Variants in SNTB1 observed in about 807,000 individuals in gnomAD.
SNTB1 encodes beta-1-syntrophin.
Under a neutral mutation model 48.9 loss-of-function variants are expected in SNTB1, and 36 were observed. That is an observed-to-expected ratio of 0.74 (90% CI 0.56 to 0.97). SNTB1 has a LOEUF of 0.97. Among genes scored for constraint, SNTB1 ranks in the 50% least tolerant of loss-of-function variants. The pLI is 0.00. For missense variants in SNTB1, 786 were observed against 703.4 expected, an observed-to-expected ratio of 1.12 and a Z score of -1.33; for synonymous variants, 299 against 294.6, an observed-to-expected ratio of 1.01 and a Z score of -0.15.
At chr8:120,746,094 A>G (rs892015188) in intron 1 of SNTB1, among the ~76,000 whole-genome samples, 2 of 152,294 alleles carry the variant, frequency 1.3e-5, no homozygotes, top group African/African-American at 4.8e-5. Context: ...GCCTTGAACA[A>G]CATAGGTTTG....
intron 1 of SNTB1, among the ~76,000 whole-genome samples, chr8:120,778,909 A>G (rs1343542247): frequency 6.6e-6 from 1 of 152,250 alleles, no homozygotes; most frequent in Non-Finnish European, 1.5e-5. Flanking sequence ...TCTTGGCAGC[A>G]TGATGCATGC....
In SNTB1 at chr8:120,538,948, G is replaced by T; in HGVS notation, c.1546C>A (p.Pro516Thr). 3 of 1,613,236 alleles carry T rather than the reference G, an allele frequency of 1.9e-6. No homozygotes were observed. Among genetic ancestry groups the T allele is most frequent in the Non-Finnish European group, 2.5e-6 (3 of 1,179,598 alleles). Residue 516 changes from proline (P) to threonine (T), a missense_variant, in exon 7 of 7, where the codon CCC becomes ACC. Pro to Thr is a conservative substitution (Grantham distance 38, BLOSUM62 -1). Transcript: ENST00000517992. The stretch of plus-strand genomic sequence containing the variant: ...TGAATGATGAAAACAATTGGCTTGG[G>T]GCAGGAATGAAGGTCCAGTTGCTGA... ...GEIQLDLHSC[P>T]KPIVFIIHSF...
At chr8:120,768,493 A>C (rs1819565372) in intron 1 of SNTB1, among the ~76,000 whole-genome samples, 2 of 152,176 alleles carry the variant, frequency 1.3e-5, no homozygotes, top group African/African-American at 4.8e-5. Flanking sequence ...ATCCAATTAC[A>C]GTGGGAGGAG....
chr8:120,756,407 T>TG (rs1819318859), intron 1 of SNTB1, among the ~76,000 whole-genome samples: 1 of 152,082 alleles, frequency 6.6e-6, no homozygotes, highest in Non-Finnish European at 1.5e-5. Flanking sequence ...TTTAGTTTGA[T>TG]GCAGGACACT....
chr8:120,793,632 T>C (rs1820074958), intron 1 of SNTB1, among the ~76,000 whole-genome samples: 1 of 152,028 alleles, frequency 6.6e-6, no homozygotes. Flanking sequence ...ACCGGAATTA[T>C]GAAGATTTGG....
chr8:120,658,114 G>A (rs1413317059), intron 2 of SNTB1, among the ~76,000 whole-genome samples: 1 of 152,172 alleles, frequency 6.6e-6, no homozygotes, highest in African/African-American at 2.4e-5. Flanking sequence ...GAGGGTACAG[G>A]AGGAGAAAAT....
At chr8:120,676,375 A>T (rs1308365178) in intron 2 of SNTB1, among the ~76,000 whole-genome samples, 3 of 152,238 alleles carry the variant, frequency 2.0e-5, no homozygotes, top group African/African-American at 7.2e-5. Flanking sequence ...AGATCTTATT[A>T]TGCCCATTTT....
intron 1 of SNTB1, among the ~76,000 whole-genome samples, chr8:120,741,604 A>C (rs1819041978): frequency 2.0e-5 from 3 of 152,202 alleles, no homozygotes; most frequent in Non-Finnish European, 2.9e-5. Flanking sequence ...ACAGAGCCAG[A>C]GTCCCTCTCC....
intron 1 of SNTB1, among the ~76,000 whole-genome samples, chr8:120,706,447 C>T (rs533506397): frequency 1.3e-5 from 2 of 152,074 alleles, no homozygotes; most frequent in African/African-American, 4.8e-5. Context: ...TCAATACACA[C>T]GAAAAGTAGT....
chr8:120,538,957 G>C lies in SNTB1; in HGVS notation c.1537C>G (p.His513Asp). 6.2e-7 allele frequency: 1 copy of C among 1,612,256 alleles called. No individual in the cohort carries two copies. Among genetic ancestry groups the C allele is most frequent in the South Asian group, 1.1e-5 (1 of 90,650 alleles). ...AAAACAATTGGCTTGGGGCAGGAAT[G>C]AAGGTCCAGTTGCTGAAATTTAAAA... ...GKDGEIQLDL[H>D]SCPKPIVFII... The change falls in exon 7 of 7, where the codon CAT (histidine) becomes GAT (aspartate). Residue 513 changes from histidine to aspartate, a missense_variant. By Grantham distance (81) the His-to-Asp change is moderately conservative. Coordinates refer to ENST00000517992, the MANE Select transcript of SNTB1 (RefSeq NM_021021.4).
chr8:120,615,056 C>A (rs1816690424), intron 3 of SNTB1, among the ~76,000 whole-genome samples: 1 of 150,112 alleles, frequency 6.7e-6, no homozygotes, highest in East Asian at 2.0e-4. Context: ...GAGGCTAAGG[C>A]AGGGGAATCA....
intron 4 of SNTB1, among the ~76,000 whole-genome samples, chr8:120,558,006 G>A (rs1355814409): frequency 6.6e-6 from 1 of 152,168 alleles, no homozygotes; most frequent in Non-Finnish European, 1.5e-5. Flanking sequence ...TAAATACCAA[G>A]TAAATGTCAG....
In SNTB1 at chr8:120,666,950, C is replaced by A. The variant is rs145027616; in HGVS notation, c.788+26742G>T. Among the ~76,000 whole-genome samples the A allele has an allele frequency of 3.3e-3, 498 of 151,908 alleles. 2 individuals are homozygous for A. Among genetic ancestry groups the A allele is most frequent in the African/African-American group, 0.011 (475 of 41,376 alleles). On this transcript the variant is annotated intron_variant, in intron 2 of 6. Coordinates refer to ENST00000517992, the MANE Select transcript of SNTB1 (RefSeq NM_021021.4). ...CTTAACTTTTTGATCATAAGGAATA[C>A]CATTATATTAACTATTTAAAGGTCC...
In SNTB1 at chr8:120,811,605, C is replaced by A. The variant is rs370781989; in HGVS notation, c.239G>T (p.Gly80Val). 8.9e-6 allele frequency: 14 copies of A among 1,578,404 alleles called. No homozygotes were observed. The highest frequency in any genetic ancestry group is 1.1e-5 in the Non-Finnish European group (13 of 1,166,514). The change falls in exon 1 of 7, where the codon GGC (glycine) becomes GTC (valine). Residue 80 changes from glycine to valine, a missense_variant. Physicochemically the swap from Gly to Val is moderately radical, Grantham distance 109. Coordinates refer to ENST00000517992, the MANE Select transcript of SNTB1 (RefSeq NM_021021.4). ...GGGCGAGTCCGGGGGCTGCGCGCCG[C>A]CCGCGCCCGGGTGCCCAGCCCCGGC... is the stretch of plus-strand genomic sequence containing the variant. The part of the protein sequence containing the change: ...RGAGAGHPGA[G>V]GAQPPDSPAG...
intron 5 of SNTB1, among the ~76,000 whole-genome samples, chr8:120,542,478 A>AC (rs35581231): frequency 1.3e-5 from 2 of 152,116 alleles, no homozygotes; most frequent in Admixed American, 6.5e-5. Flanking sequence ...ATATGGTGCA[A>AC]CCCCATCTCT....
At chr8:120,606,178 A>G (rs937297250) in intron 3 of SNTB1, among the ~76,000 whole-genome samples, 2 of 142,504 alleles carry the variant, frequency 1.4e-5, no homozygotes, top group African/African-American at 5.0e-5. Flanking sequence ...GTATCTATAT[A>G]TATAATTATA....
intron 3 of SNTB1, among the ~76,000 whole-genome samples, chr8:120,625,887 C>T (rs1297022591): frequency 6.6e-6 from 1 of 152,166 alleles, no homozygotes. Flanking sequence ...ACTATTTTCT[C>T]CCTGGAAGAA....
At chr8:120,782,363 C>T (rs1488180984) in intron 1 of SNTB1, among the ~76,000 whole-genome samples, 1 of 152,046 alleles carries the variant, frequency 6.6e-6, no homozygotes, top group East Asian at 1.9e-4. Context: ...CAGGAGAAAA[C>T]AAAATCCTTG....
intron 1 of SNTB1, among the ~76,000 whole-genome samples, chr8:120,694,154 T>A (rs1048304768): frequency 6.6e-6 from 1 of 152,226 alleles, no homozygotes; most frequent in Non-Finnish European, 1.5e-5. Flanking sequence ...TCTAGCTTTT[T>A]TCAACTGTGA....
Sources: allele counts gnomAD v4.1 joint callset (sites outside exome capture counted in the v4.1 genomes callset), GRCh38; gene constraint gnomAD v4.1.1; transcripts MANE v1.5; gene names NCBI Gene and HGNC (gene_info 2026-07-23, HGNC 2026-07-21).